The following MYO18B variants were observed in gnomAD, a reference collection of about 807,000 sequenced individuals.
The protein encoded by MYO18B is myosin XVIIIB, also known as unconventional myosin-XVIIIb.
Under a neutral mutation model 273.0 loss-of-function variants are expected in MYO18B, and 204 were observed. The observed-to-expected ratio is 0.75, with a 90% CI of 0.67 to 0.84. The LOEUF (loss-of-function observed/expected upper bound fraction) is 0.84. Ranked by LOEUF, MYO18B falls within the 40% of genes least tolerant of loss-of-function variation. MYO18B has a pLI of 0.00. For missense variants in MYO18B, 3,212 were observed against 3,287.6 expected (o/e 0.98, Z 0.56); for synonymous variants, 1,330 against 1,305.7 (o/e 1.02, Z -0.40).
At chr22:26,026,191 T>C (rs1404750357) in intron 42 of MYO18B, among the ~76,000 whole-genome samples, 3 of 152,226 alleles carry the variant, frequency 2.0e-5, no homozygotes, top group Non-Finnish European at 4.4e-5. Context: ...CCGTCCTAGC[T>C]GCAGTTTTAA....
chr22:25,797,580 T>C (rs997641728), intron 11 of MYO18B, among the ~76,000 whole-genome samples: 2 of 152,192 alleles, frequency 1.3e-5, no homozygotes, highest in African/African-American at 2.4e-5. Context: ...GCCCTTTTCA[T>C]ACTTAGTTGC....
chr22:25,768,695 G>A lies in MYO18B; in HGVS notation c.779G>A (p.Gly260Asp). 1 of 1,568,552 alleles carries A rather than the reference G, an allele frequency of 6.4e-7. No homozygotes were observed. The highest frequency in any genetic ancestry group is 8.6e-7 in the Non-Finnish European group (1 of 1,159,600). Residue 260 changes from glycine (G) to aspartate (D), a missense_variant, in exon 4 of 44, where the codon GGC becomes GAC. Physicochemically the swap from Gly to Asp is moderately conservative, Grantham distance 94 (BLOSUM62 -1). Coordinates refer to ENST00000335473, the MANE Select transcript of MYO18B (RefSeq NM_032608.7). The stretch of plus-strand genomic sequence containing the variant: ...GAGCTGAAAGAGGCTGAGCCCCAGG[G>A]CAAAGACAGGCAGGGGACCAGGCCC... ...TTELKEAEPQ[G>D]KDRQGTRPQA... is the part of the protein sequence containing the mutation.
chr22:25,903,931 A>G, intron 31 of MYO18B, 100 bp downstream of exon 31: 3 of 1,258,942 alleles, frequency 2.4e-6, no homozygotes, highest in East Asian at 2.5e-5. Context: ...GCTGCTCCTC[A>G]TCCTTCAATG....
intron 39 of MYO18B, among the ~76,000 whole-genome samples, chr22:25,957,521 T>C (rs2092867530): frequency 6.6e-6 from 1 of 152,206 alleles, no homozygotes; most frequent in East Asian, 1.9e-4. Flanking sequence ...GTTTGGTGAG[T>C]GTGGTTGAAA....
the MYO18B span, among the ~76,000 whole-genome samples, chr22:26,046,141 C>T: frequency 0.048 from 7,325 of 152,262 alleles, 249 homozygotes; most frequent in South Asian, 0.13. Flanking sequence ...ATTGTGGCGT[C>T]CCAGCAGCTG....
the MYO18B span, among the ~76,000 whole-genome samples, chr22:26,059,816 C>T: frequency 6.6e-6 from 1 of 152,182 alleles, no homozygotes; most frequent in East Asian, 1.9e-4. Flanking sequence ...GTTCACATTT[C>T]CCTTGTGCCT....
chr22:25,870,833 T>C (rs2091026879), intron 22 of MYO18B, among the ~76,000 whole-genome samples: 1 of 152,180 alleles, frequency 6.6e-6, no homozygotes, highest in Non-Finnish European at 1.5e-5. Context: ...TGAGAACCAC[T>C]GGTCTAGATA....
intron 2 of MYO18B, among the ~76,000 whole-genome samples, chr22:25,762,649 TG>T (rs2146599245): frequency 6.6e-6 from 1 of 152,372 alleles, no homozygotes; most frequent in South Asian, 2.1e-4. Context: ...GACCAAGTCC[TG>T]GTTTAAGGAC....
chr22:25,932,758 A>G (rs2092524626), intron 34 of MYO18B, among the ~76,000 whole-genome samples: 1 of 152,146 alleles, frequency 6.6e-6, no homozygotes, highest in Non-Finnish European at 1.5e-5. Flanking sequence ...CCCAAAAGCC[A>G]AGTCCAGCCA....
intron 12 of MYO18B, among the ~76,000 whole-genome samples, chr22:25,817,953 G>A (rs545575895): frequency 2.0e-5 from 3 of 152,314 alleles, no homozygotes; most frequent in Admixed American, 2.0e-4. Context: ...CAGGAGGGCA[G>A]TGAGGAAGGG....
chr22:25,971,794 C>T (rs1569250980), intron 39 of MYO18B, among the ~76,000 whole-genome samples: 1 of 152,176 alleles, frequency 6.6e-6, no homozygotes, highest in Admixed American at 6.5e-5. Flanking sequence ...ACATTAAAGA[C>T]TTGTTGTCTG....
chr22:25,780,480 C>T (rs561463809), intron 9 of MYO18B, among the ~76,000 whole-genome samples: 15 of 151,460 alleles, frequency 9.9e-5, no homozygotes, highest in African/African-American at 3.6e-4. Flanking sequence ...ATCTCAGCTA[C>T]TCGGGAGGCT....
chr22:25,868,504 A>G, intron 22 of MYO18B, 119 bp downstream of exon 22: 1 of 802,196 alleles, frequency 1.2e-6, no homozygotes, highest in Non-Finnish European at 2.0e-6. Flanking sequence ...TCCCAAACTG[A>G]AGGTAGAGCT....
chr22:25,933,481 A>G (rs1187103554), intron 34 of MYO18B, among the ~76,000 whole-genome samples: 6 of 152,144 alleles, frequency 3.9e-5, no homozygotes, highest in Non-Finnish European at 7.3e-5. Flanking sequence ...CTGTCTTCCC[A>G]TGTTTCTCGT....
intron 3 of MYO18B, among the ~76,000 whole-genome samples, chr22:25,767,016 G>C (rs1420605277): frequency 1.3e-5 from 2 of 152,240 alleles, no homozygotes; most frequent in African/African-American, 4.8e-5. Flanking sequence ...TGCAAGAGGA[G>C]GGGGAGAATC....
downstream of MYO18B, among the ~76,000 whole-genome samples, chr22:26,032,702 T>A (rs1936695291): frequency 6.6e-6 from 1 of 152,054 alleles, no homozygotes; most frequent in Admixed American, 6.5e-5. Context: ...TGCATTTTTT[T>A]AGTAGAGACA....
intron 29 of MYO18B, chr22:25,899,181 A>T (rs1313511972): frequency 6.6e-6 from 1 of 152,264 alleles, no homozygotes; most frequent in Non-Finnish European, 1.5e-5. Context: ...CAGTGAGGCG[A>T]TGGTGGAGCC....
In MYO18B at chr22:26,003,324, G is replaced by A. The variant is rs764852438; in HGVS notation, c.6332+15G>A. ...CGAAAAGAGATGTAAGTTAACCCCAGGTAGAACTGAGCAGCTCACAAGGGT... is the reference window on the plus strand; with the variant it reads ...CGAAAAGAGATGTAAGTTAACCCCAAGTAGAACTGAGCAGCTCACAAGGGT... On this transcript the variant is annotated intron_variant, in intron 41 of 43. Coordinates refer to ENST00000335473, the MANE Select transcript of MYO18B (RefSeq NM_032608.7). The A allele has an allele frequency of 2.4e-5, 38 of 1,601,590 alleles. No individual in the cohort carries two copies. The highest frequency in any genetic ancestry group is 3.0e-5 in the Non-Finnish European group (35 of 1,174,174).
At chr22:25,907,224 A>G (rs2092062027) in intron 31 of MYO18B, among the ~76,000 whole-genome samples, 1 of 152,274 alleles carries the variant, frequency 6.6e-6, no homozygotes. Context: ...CATGCAGATC[A>G]GGAAAGTGAA....
Sources: gnomAD v4.1 joint callset for allele counts (sites outside exome capture counted in the v4.1 genomes callset) on GRCh38, gnomAD v4.1.1 for gene constraint, MANE v1.5 for transcripts, NCBI Gene and HGNC (gene_info 2026-07-23, HGNC 2026-07-21) for gene names.